The following PRDM14 variants were observed in gnomAD, a reference collection of about 807,000 sequenced individuals.
PRDM14 encodes PR domain zinc finger protein 14.
In PRDM14, 16 loss-of-function variants were observed where a neutral mutation model predicts 48.0. That is an observed-to-expected ratio of 0.33 (90% CI 0.23 to 0.51). PRDM14 has a LOEUF of 0.51. Among genes scored for constraint, PRDM14 ranks in the 20% least tolerant of loss-of-function variants. PRDM14 has a pLI of 0.97. For synonymous variants in PRDM14, 264 were observed against 276.6 expected (o/e 0.95, Z 0.45); for missense variants, 566 against 719.6 (o/e 0.79, Z 2.44).
chr8:70,070,392 T>G (rs1027857812), intron 1 of PRDM14, among the ~76,000 whole-genome samples: 85 of 152,238 alleles, frequency 5.6e-4, no homozygotes, highest in African/African-American at 1.8e-3. Context: ...CAGGCGCTCC[T>G]GGGCCCTCGG....
chr8:70,054,691 G>A (rs181742412), intron 7 of PRDM14, among the ~76,000 whole-genome samples: 170 of 151,264 alleles, frequency 1.1e-3, no homozygotes, highest in African/African-American at 3.9e-3. Flanking sequence ...GCTAATTTTT[G>A]TATTTTTAGT....
intron 7 of PRDM14, 138 bp from the exon 8 acceptor site, chr8:70,052,442 G>A (rs1805403952): frequency 3.2e-6 from 2 of 622,372 alleles, no homozygotes; most frequent in East Asian, 5.5e-5. Context: ...GAGCACTCCT[G>A]GTCATCATCA....
intron 1 of PRDM14, among the ~76,000 whole-genome samples, chr8:70,070,511 G>A (rs1262266809): frequency 3.3e-5 from 5 of 152,046 alleles, no homozygotes; most frequent in Non-Finnish European, 5.9e-5. Flanking sequence ...GCCCAGCGGT[G>A]TGACCCCGCG....
chr8:70,069,176 G>A lies in PRDM14; in HGVS notation c.685C>T (p.Pro229Ser), dbSNP rs1485387233. 12 of 1,513,156 alleles carry A rather than the reference G, an allele frequency of 7.9e-6. No individual in the cohort carries two copies. Among genetic ancestry groups the A allele is most frequent in the African/African-American group, 1.4e-5 (1 of 72,004 alleles). 93.7% of individuals were successfully genotyped at this position (1,513,156 alleles called of 1,614,324 possible). A position where few individuals can be genotyped will look rare whatever the true frequency, so the allele number is the denominator to read the frequency against. The change falls in exon 2 of 8, where the codon CCC (proline) becomes TCC (serine). Residue 229 changes from proline (P) to serine (S), a missense_variant. Coordinates refer to ENST00000276594, the MANE Select transcript of PRDM14 (RefSeq NM_024504.4). ...LHHAISGLLVPPDSSGSDSLP... is the reference protein window; with the variant it reads ...LHHAISGLLVSPDSSGSDSLP... Reference sequence around the variant, plus strand: ...CTCCCTTTACCAGAGCTGTCTGGGGGGACCAGGAGGCCTGAAATCGCATGG... The same window carrying A: ...CTCCCTTTACCAGAGCTGTCTGGGGAGACCAGGAGGCCTGAAATCGCATGG...
At chr8:70,066,990 A>G (rs1805679876) in intron 4 of PRDM14, among the ~76,000 whole-genome samples, 1 of 152,158 alleles carries the variant, frequency 6.6e-6, no homozygotes, top group Admixed American at 6.5e-5. Flanking sequence ...TTGGCCTCCT[A>G]AAGTGCTAGA....
chr8:70,057,232 T>C (rs1165839547), intron 6 of PRDM14, among the ~76,000 whole-genome samples: 1 of 152,116 alleles, frequency 6.6e-6, no homozygotes, highest in Non-Finnish European at 1.5e-5. Context: ...CCCAAAGTAC[T>C]GGGATTAGGC....
At chr8:70,069,129 T>C (rs1805720150) in intron 2 of PRDM14, 32 bp downstream of exon 2, 9 of 1,447,608 alleles carry the variant, frequency 6.2e-6, no homozygotes, top group Non-Finnish European at 8.2e-6. Context: ...TCCCGTCCAA[T>C]TCGACTCCCA....
In PRDM14 at chr8:70,069,821, T is replaced by C. The variant is rs771927261; in HGVS notation, c.40A>G (p.Lys14Glu). ...CTGCTCTCCGGCGGGTAGCACACCT[T>C]GTCCTGAGGCACGGCCTCACTTGGC... is the stretch of plus-strand genomic sequence containing the variant. ...PRPSEAVPQDKVCYPPESSPQ... is the reference protein window; with the variant it reads ...PRPSEAVPQDEVCYPPESSPQ... Residue 14 changes from lysine (K) to glutamate (E), a missense_variant, in exon 2 of 8, where the codon AAG becomes GAG. Lys to Glu is a moderately conservative substitution (Grantham distance 56, BLOSUM62 1). Transcript: ENST00000276594. 2.5e-6 allele frequency: 4 copies of C among 1,608,794 alleles called. No individual in the cohort carries two copies. In the Admixed American group the frequency reaches 6.7e-5, roughly 27 times the overall value.
At chr8:70,062,284 T>C (rs1338651377) in intron 5 of PRDM14, among the ~76,000 whole-genome samples, 1 of 152,186 alleles carries the variant, frequency 6.6e-6, no homozygotes, top group Non-Finnish European at 1.5e-5. Flanking sequence ...TTGCTCTGAT[T>C]GCCTCTGATA....
At position 70,069,238 on chromosome 8, in the gene PRDM14, C is replaced by A; in HGVS notation, c.623G>T (p.Gly208Val). 6.3e-7 allele frequency: 1 copy of A among 1,598,084 alleles called. No homozygotes were observed. The highest frequency in any genetic ancestry group is 8.5e-7 in the Non-Finnish European group (1 of 1,172,198). The change falls in exon 2 of 8, where the codon GGG (glycine) becomes GTG (valine). Residue 208 changes from glycine to valine, a missense_variant. Physicochemically the swap from Gly to Val is moderately radical, Grantham distance 109. Transcript: ENST00000276594. ...TGGGTGCTCCAGGCTGGGAGTGACC[C>A]CGTACAGAACGAAGTGCAGGTCCTC... ...TEEDLHFVLY[G>V]VTPSLEHPAS...
chr8:70,066,208 T>C (rs554643704), intron 5 of PRDM14, 27 bp downstream of exon 5: 56 of 1,604,610 alleles, frequency 3.5e-5, no homozygotes, highest in East Asian at 8.9e-5. Context: ...GATGCCCTCA[T>C]TGGGCAAGGC....
chr8:70,069,752 C>T lies in PRDM14; in HGVS notation c.109G>A (p.Gly37Arg). The change falls in exon 2 of 8, where the codon GGA becomes AGA. Residue 37 changes from glycine (G) to arginine (R), a missense_variant. Around this residue, in one of 3 missense-constraint regions of PRDM14, gnomAD observed 410 missense variants for 424.6 expected, o/e 0.97. Transcript: ENST00000276594. ...GTGGCCAGGCTGTTTCTGTAGTGTCCATAGGACGGGAAAGGCGTGTAGTAC... is the reference window on the plus strand; with the variant it reads ...GTGGCCAGGCTGTTTCTGTAGTGTCTATAGGACGGGAAAGGCGTGTAGTAC... ...AAYYTPFPSYGHYRNSLATVE... is the reference protein window; with the variant it reads ...AAYYTPFPSYRHYRNSLATVE... The T allele has an allele frequency of 6.2e-7, 1 of 1,606,834 alleles. No homozygotes were observed.
intron 7 of PRDM14, among the ~76,000 whole-genome samples, chr8:70,054,299 A>C (rs1805435170): frequency 1.3e-5 from 2 of 152,198 alleles, no homozygotes; most frequent in Non-Finnish European, 2.9e-5. Context: ...TTAACATTCC[A>C]GTAGTACTTT....
chr8:70,055,530 G>T (rs1225417257), intron 6 of PRDM14, 129 bp from the exon 7 acceptor site: 2 of 530,434 alleles, frequency 3.8e-6, no homozygotes, highest in Admixed American at 3.0e-5. Flanking sequence ...TTTTGAGACG[G>T]GATCTCAATT....
At chr8:70,060,896 C>A in intron 5 of PRDM14, among the ~76,000 whole-genome samples, 1 of 152,350 alleles carries the variant, frequency 6.6e-6, no homozygotes, top group African/African-American at 2.4e-5. Context: ...GTTTATACTT[C>A]ATTACTCAAA....
chr8:70,056,932 A>C (rs1284858042), intron 6 of PRDM14, among the ~76,000 whole-genome samples: 5 of 149,392 alleles, frequency 3.3e-5, no homozygotes, highest in African/African-American at 7.4e-5. Context: ...CCTGTCATCT[A>C]CTGACCTCCT....
chr8:70,066,591 A>G, intron 4 of PRDM14, 86 bp from the exon 5 acceptor site: 1 of 1,026,040 alleles, frequency 9.7e-7, no homozygotes, highest in Non-Finnish European at 1.4e-6. Flanking sequence ...TGTAACCTAA[A>G]TATCACACTT....
Position 70,052,102 on chromosome 8 carries a change from T to C in PRDM14, c.1691A>G (p.His564Arg). ...IFSDQETFYS[H>R]MKFHEDY ...CTAGTAGTCTTCATGAAACTTCATG[T>C]GGGAGTAGAATGTTTCTTGATCTGA... is the stretch of plus-strand genomic sequence containing the variant. The change falls in exon 8 of 8, where the codon CAC (histidine) becomes CGC (arginine). Residue 564 changes from histidine to arginine, a missense_variant. Coordinates refer to ENST00000276594, the MANE Select transcript of PRDM14 (RefSeq NM_024504.4). 6.2e-7 allele frequency: 1 copy of C among 1,609,424 alleles called. No homozygotes were observed. Among genetic ancestry groups the C allele is most frequent in the South Asian group, 1.1e-5 (1 of 90,584 alleles).
At chr8:70,063,397 G>A (rs1422455075) in intron 5 of PRDM14, among the ~76,000 whole-genome samples, 1 of 151,996 alleles carries the variant, frequency 6.6e-6, no homozygotes, top group Non-Finnish European at 1.5e-5. Flanking sequence ...TTACACTACT[G>A]TACTCCAGTC....
Sources: allele counts gnomAD v4.1 joint callset (sites outside exome capture counted in the v4.1 genomes callset), GRCh38; gene constraint gnomAD v4.1.1; regional missense constraint gnomAD v4.1.1; transcripts MANE v1.5; gene names NCBI Gene and HGNC (gene_info 2026-07-23, HGNC 2026-07-21).